AFG2B: variants seen among roughly 807,000 people sequenced by gnomAD.
AFG2B encodes AAA ATPase AFG2B.
chr15:45,410,638 G>GA, the AFG2B span: 5 of 1,024,930 alleles, frequency 4.9e-6, no homozygotes, highest in African/African-American at 1.6e-5. Flanking sequence ...TATCACTAAT[G>GA]TGATCCTAAC....
chr15:45,419,882 T>C, the AFG2B span, among the ~76,000 whole-genome samples: 1 of 150,266 alleles, frequency 6.7e-6, no homozygotes, highest in East Asian at 2.0e-4. Context: ...TCCCAGCTAC[T>C]CAGGAGGCTG....
the AFG2B span, chr15:45,405,541 CT>C: frequency 6.3e-7 from 1 of 1,585,208 alleles, no homozygotes; most frequent in Non-Finnish European, 8.6e-7. Context: ...CTATGTTAAT[CT>C]ATTATTGTAA....
At chr15:45,417,798 C>T in the AFG2B span, 125 of 158,170 alleles carry the variant, frequency 7.9e-4, 1 homozygote, top group Non-Finnish European at 1.5e-3. Context: ...CCGTAAAGTA[C>T]GGTGCAGAAA....
At chr15:45,417,454 G>C in the AFG2B span, 2 of 1,593,080 alleles carry the variant, frequency 1.3e-6, no homozygotes, top group Non-Finnish European at 1.7e-6. Context: ...ATTCCAACTT[G>C]GATATAGGTG....
At chr15:45,414,624 A>G in the AFG2B span, 2 of 1,614,042 alleles carry the variant, frequency 1.2e-6, no homozygotes, top group African/African-American at 1.3e-5. Context: ...TGGGCCTGAC[A>G]CAACCAAAGG....
chr15:45,419,466 GAAAA>G, the AFG2B span, among the ~76,000 whole-genome samples: 1,105 of 138,972 alleles, frequency 8.0e-3, 11 homozygotes, highest in African/African-American at 0.028. Flanking sequence ...TGTCTCTTAG[GAAAA>G]AAAAAAAGCT....
the AFG2B span, among the ~76,000 whole-genome samples, chr15:45,404,109 C>T: frequency 2.0e-5 from 3 of 152,162 alleles, no homozygotes; most frequent in Admixed American, 1.3e-4. Flanking sequence ...CTATTTTAAG[C>T]TTTGGTCCTA....
chr15:45,418,831 G>GT, the AFG2B span: 1 of 1,090,772 alleles, frequency 9.2e-7, no homozygotes, highest in South Asian at 1.8e-5. Context: ...ACAGCTTATT[G>GT]TAAGTGTGGG....
At chr15:45,404,799 CTG>C in the AFG2B span, among the ~76,000 whole-genome samples, 2 of 117,792 alleles carry the variant, frequency 1.7e-5, no homozygotes, top group Middle Eastern at 5.6e-3. Flanking sequence ...CAGAGTGAAA[CTG>C]TGTCTCAAAA....
At chr15:45,413,202 T>C in the AFG2B span, among the ~76,000 whole-genome samples, 11 of 152,188 alleles carry the variant, frequency 7.2e-5, no homozygotes, top group African/African-American at 2.2e-4. Context: ...TAAATGTTAG[T>C]GCTCAAGAGG....
the AFG2B span, chr15:45,416,988 A>C: frequency 4.1e-6 from 1 of 245,922 alleles, no homozygotes; most frequent in Non-Finnish European, 8.0e-6. Flanking sequence ...TCACCAGATG[A>C]GTGTTCTCCC....
chr15:45,412,562 T>C, the AFG2B span, among the ~76,000 whole-genome samples: 3 of 152,196 alleles, frequency 2.0e-5, no homozygotes, highest in African/African-American at 7.2e-5. Flanking sequence ...AATTAGTAAT[T>C]GTATTCTGAT....
the AFG2B span, among the ~76,000 whole-genome samples, chr15:45,410,888 G>A: frequency 6.6e-6 from 1 of 151,646 alleles, no homozygotes; most frequent in African/African-American, 2.4e-5. Context: ...AGCCCTTGTC[G>A]CTATTTAAAA....
At chr15:45,409,599 G>T in the AFG2B span, among the ~76,000 whole-genome samples, 7 of 151,296 alleles carry the variant, frequency 4.6e-5, no homozygotes, top group Non-Finnish European at 8.9e-5. Context: ...GGTGGCTCAT[G>T]CCTGTAATCC....
the AFG2B span, chr15:45,416,902 T>C: frequency 6.4e-6 from 1 of 156,932 alleles, no homozygotes; most frequent in African/African-American, 2.4e-5. Flanking sequence ...TCTCCACCGG[T>C]TGGTCATAAG....
At chr15:45,405,485 G>T in the AFG2B span, 3 of 1,613,272 alleles carry the variant, frequency 1.9e-6, no homozygotes, top group Non-Finnish European at 2.5e-6. Context: ...TGCCATGCAT[G>T]CCCTCCTTCA....
the AFG2B span, among the ~76,000 whole-genome samples, chr15:45,410,048 C>T: frequency 3.3e-5 from 5 of 152,150 alleles, no homozygotes; most frequent in African/African-American, 1.2e-4. Flanking sequence ...ACATGAAAAG[C>T]TCTCTAAGAT....
At chr15:45,410,037 G>A in the AFG2B span, among the ~76,000 whole-genome samples, 1 of 152,204 alleles carries the variant, frequency 6.6e-6, no homozygotes, top group Non-Finnish European at 1.5e-5. Flanking sequence ...TGTGTTAGTT[G>A]ACATGAAAAG....
chr15:45,403,055 C>A, the AFG2B span: 1 of 1,551,024 alleles, frequency 6.4e-7, no homozygotes, highest in East Asian at 2.4e-5. Context: ...TCGGAGGCGG[C>A]CGACTCGCTG....
Sources: gnomAD v4.1 joint callset for allele counts (sites outside exome capture counted in the v4.1 genomes callset) on GRCh38, gnomAD v4.1.1 for gene constraint, MANE v1.5 for transcripts, NCBI Gene and HGNC (gene_info 2026-07-23, HGNC 2026-07-21) for gene names.